The following PTPN13 variants were observed in gnomAD, a reference collection of about 807,000 sequenced individuals.
PTPN13 encodes the protein protein tyrosine phosphatase non-receptor type 13, also known as tyrosine-protein phosphatase non-receptor type 13.
Under a neutral mutation model 284.0 loss-of-function variants are expected in PTPN13, and 191 were observed. The ratio of observed to expected loss-of-function variants is 0.67; its 90% confidence interval spans 0.60 to 0.76. The LOEUF is 0.76. Ranked by LOEUF, PTPN13 falls within the 30% of genes least tolerant of loss-of-function variation. The pLI, the probability that PTPN13 is intolerant of heterozygous loss-of-function variation, is 0.00. For missense variants in PTPN13, 2,797 were observed against 2,939.9 expected (o/e 0.95, Z 1.12); for synonymous variants, 986 against 1,022.3 (o/e 0.96, Z 0.68).
intron 3 of PTPN13, among the ~76,000 whole-genome samples, chr4:86,672,931 A>G (rs142348858): frequency 1.0e-3 from 152 of 152,240 alleles, no homozygotes; most frequent in African/African-American, 3.4e-3. Context: ...AGTTTTTCCA[A>G]GGATGGGGTG....
chr4:86,642,209 C>G (rs182989077), intron 2 of PTPN13, among the ~76,000 whole-genome samples: 1 of 152,190 alleles, frequency 6.6e-6, no homozygotes, highest in Non-Finnish European at 1.5e-5. Flanking sequence ...TCTAGTATAG[C>G]TTTCCTCCTT....
intron 9 of PTPN13, among the ~76,000 whole-genome samples, chr4:86,717,910 CT>C (rs59313222): frequency 0.035 from 5,359 of 151,878 alleles, 331 homozygotes; most frequent in African/African-American, 0.12. Flanking sequence ...TTATGTGGTA[CT>C]TTTTTTTAAA....
rs773827723 is a variant in PTPN13 at position 86,811,030 on chromosome 4, T to C, written c.7300-16T>C. 1 of 1,609,102 alleles carries C rather than the reference T, an allele frequency of 6.2e-7. No individual in the cohort carries two copies. The highest frequency in any genetic ancestry group is 1.1e-5 in the South Asian group (1 of 90,812). ...TTATCCTTTGAATCTAACACATATG[T>C]GGTTTCCTCTGACAGTTTGACATCT... On this transcript the variant is annotated splice_polypyrimidine_tract_variant and intron_variant, in intron 46 of 47. Transcript: ENST00000411767.
chr4:86,626,922 A>C (rs1721903629), intron 1 of PTPN13, among the ~76,000 whole-genome samples: 1 of 152,142 alleles, frequency 6.6e-6, no homozygotes, highest in African/African-American at 2.4e-5. Context: ...TCATCACAGC[A>C]TTATGTGTAA....
At chr4:86,741,545 G>C (rs1403842315) in intron 15 of PTPN13, 89 bp from the exon 16 acceptor site, 3 of 1,162,208 alleles carry the variant, frequency 2.6e-6, no homozygotes, top group African/African-American at 1.5e-5. Context: ...TTTGTGGGGG[G>C]ACACGGCCAA....
At chr4:86,688,766 T>C (rs990538647) in intron 4 of PTPN13, among the ~76,000 whole-genome samples, 2 of 152,206 alleles carry the variant, frequency 1.3e-5, no homozygotes, top group African/African-American at 2.4e-5. Flanking sequence ...TATTTAAAAA[T>C]GCCCAGAGTT....
chr4:86,780,348 G>T, intron 35 of PTPN13, 54 bp from the exon 36 acceptor site: 1 of 1,451,708 alleles, frequency 6.9e-7, no homozygotes, highest in Non-Finnish European at 9.5e-7. Flanking sequence ...GGGCCTGGGA[G>T]GTCAAGGCTA....
chr4:86,679,046 A>C (rs2148918334), intron 3 of PTPN13, among the ~76,000 whole-genome samples: 1 of 152,270 alleles, frequency 6.6e-6, no homozygotes, highest in Middle Eastern at 3.4e-3. Context: ...ATGGCCTTCA[A>C]GTTCGTACTG....
At chr4:86,708,791 C>G (rs1409547953) in intron 7 of PTPN13, among the ~76,000 whole-genome samples, 1 of 152,074 alleles carries the variant, frequency 6.6e-6, no homozygotes, top group East Asian at 1.9e-4. Context: ...AGCCATTTAC[C>G]AATGTTCCAT....
rs943029099 is a variant in PTPN13 at position 86,782,236 on chromosome 4, C to T, written c.5998C>T (p.Leu2000Phe). The change falls in exon 37 of 48, where the codon CTC becomes TTC. Residue 2000 changes from leucine to phenylalanine, a missense_variant. Physicochemically the swap from Leu to Phe is conservative, Grantham distance 22. Transcript: ENST00000411767. ...YSVGSCSQPA[L>F]TPNDSFSTVA... ...TGTGGGGTCTTGCAGCCAGCCTGCCCTCACTCCTAATGATTCATTCTCCAC... is the reference window on the plus strand; with the variant it reads ...TGTGGGGTCTTGCAGCCAGCCTGCCTTCACTCCTAATGATTCATTCTCCAC... 7 of 1,609,418 alleles carry T rather than the reference C, an allele frequency of 4.3e-6. No homozygotes were observed. Among genetic ancestry groups the T allele is most frequent in the South Asian group, 2.2e-5 (2 of 90,988 alleles).
intron 3 of PTPN13, among the ~76,000 whole-genome samples, chr4:86,686,050 C>T (rs1484746525): frequency 6.6e-6 from 1 of 152,122 alleles, no homozygotes; most frequent in African/African-American, 2.4e-5. Context: ...TATGGAAATA[C>T]CTATTGATAA....
At chr4:86,785,980 C>A (rs1400416651) in intron 40 of PTPN13, 44 bp downstream of exon 40, 21 of 1,126,510 alleles carry the variant, frequency 1.9e-5, no homozygotes, top group Non-Finnish European at 2.6e-5. Context: ...CAGCTTGTTA[C>A]AATTATGGGT....
At chr4:86,645,020 G>A (rs1246329549) in intron 2 of PTPN13, among the ~76,000 whole-genome samples, 3 of 151,936 alleles carry the variant, frequency 2.0e-5, no homozygotes, top group Non-Finnish European at 4.4e-5. Flanking sequence ...ACCAGCCTGC[G>A]AAACACGGTG....
intron 40 of PTPN13, among the ~76,000 whole-genome samples, chr4:86,793,203 C>T (rs1742895804): frequency 6.6e-6 from 1 of 152,082 alleles, no homozygotes; most frequent in South Asian, 2.1e-4. Flanking sequence ...GCAGGGGTTG[C>T]AATCCTAGTC....
In PTPN13 at chr4:86,701,707, A is replaced by C; in HGVS notation, c.1101A>C (p.Glu367Asp). The stretch of plus-strand genomic sequence containing the variant: ...TGGATCCAATATATCACACTCGAGA[A>C]TTGCCCACCTCCTCAGCAATATCAA... ...QKMDPIYHTR[E>D]LPTSSAISSA... The change falls in exon 7 of 48, where the codon GAA (glutamate) becomes GAC (aspartate). Residue 367 changes from glutamate to aspartate, a missense_variant. Physicochemically the swap from Glu to Asp is conservative, Grantham distance 45 (BLOSUM62 2). Coordinates refer to ENST00000411767, the MANE Select transcript of PTPN13 (RefSeq NM_080683.3). The C allele has an allele frequency of 1.2e-6, 2 of 1,613,988 alleles. No homozygotes were observed. The highest frequency in any genetic ancestry group is 2.2e-5 in the East Asian group (1 of 44,886).
chr4:86,771,521 A>G lies in PTPN13; in HGVS notation c.5154A>G (p.Pro1718=). The change falls in exon 31 of 48, where the codon CCA becomes CCG. Residue 1718 remains proline, a synonymous_variant. Coordinates refer to ENST00000411767, the MANE Select transcript of PTPN13 (RefSeq NM_080683.3). ...FYYPQKIPNK[P]EFEDSNPSPL... The stretch of plus-strand genomic sequence containing the variant: ...ATCCTCAGAAAATTCCCAATAAACC[A>G]GAGTTTGAGGACAGGTATCATCAAT... The G allele has an allele frequency of 1.3e-6, 2 of 1,572,086 alleles. No individual in the cohort carries two copies. The highest frequency in any genetic ancestry group is 8.7e-7 in the Non-Finnish European group (1 of 1,155,828).
intron 6 of PTPN13, among the ~76,000 whole-genome samples, chr4:86,697,511 G>C (rs1220625118): frequency 6.6e-6 from 1 of 151,890 alleles, no homozygotes; most frequent in Non-Finnish European, 1.5e-5. Context: ...TAAACTAGTG[G>C]GCTCTCTGAC....
chr4:86,772,685 A>G (rs1403655970), intron 31 of PTPN13, 93 bp from the exon 32 acceptor site: 1 of 1,027,518 alleles, frequency 9.7e-7, no homozygotes, highest in East Asian at 2.5e-5. Flanking sequence ...ATCAGACATG[A>G]ATATTTGTTA....
chr4:86,742,804 A>C (rs1736301473), intron 16 of PTPN13, among the ~76,000 whole-genome samples: 1 of 152,220 alleles, frequency 6.6e-6, no homozygotes, highest in Non-Finnish European at 1.5e-5. Context: ...TAGATTGATT[A>C]ATTATAAATC....
Sources: allele counts gnomAD v4.1 joint callset (sites outside exome capture counted in the v4.1 genomes callset), GRCh38; gene constraint gnomAD v4.1.1; transcripts MANE v1.5; gene names NCBI Gene and HGNC (gene_info 2026-07-23, HGNC 2026-07-21).